The following SMYD1 variants were observed in gnomAD, a reference collection of about 807,000 sequenced individuals.
SMYD1 encodes SET and MYND domain containing 1.
Under a neutral mutation model 54.0 loss-of-function variants are expected in SMYD1, and 49 were observed. The ratio of observed to expected loss-of-function variants is 0.91; its 90% CI spans 0.72 to 1.15. SMYD1 has a LOEUF of 1.15. Ranked by LOEUF, SMYD1 falls within the 50% of genes most tolerant of loss-of-function variation. The pLI, the probability that SMYD1 is intolerant of heterozygous loss-of-function variation, is 0.00. For synonymous variants in SMYD1, 269 were observed against 234.2 expected, an observed-to-expected ratio of 1.15 and a Z score of -1.36; for missense variants, 653 against 639.6, an observed-to-expected ratio of 1.02 and a Z score of -0.23.
chr2:88,096,741 A>T lies in SMYD1; in HGVS notation c.845A>T (p.Lys282Ile), dbSNP rs1435425886. The T allele has an allele frequency of 6.2e-7, 1 of 1,614,016 alleles. No individual in the cohort carries two copies. Among genetic ancestry groups the T allele is most frequent in the East Asian group, 2.2e-5 (1 of 44,894 alleles). Residue 282 changes from lysine to isoleucine, a missense_variant, in exon 6 of 10, where the codon AAA becomes ATA. Physicochemically the swap from Lys to Ile is moderately radical, Grantham distance 102 (BLOSUM62 -3). Transcript: ENST00000419482. The part of the protein sequence containing the change: ...FDCTCEHCQK[K>I]LKDDLFLGVK... ...TGCACATGTGAACACTGCCAGAAAA[A>T]ACTGAAGGATGACCTCTTCCTGGGG...
rs199519465 is a variant in SMYD1, at chr2:88,106,520, C to A, written c.1145+32C>A. 1,008 of 1,597,660 alleles carry A rather than the reference C, an allele frequency of 6.3e-4. 20 individuals are homozygous for A. The South Asian group carries it at 0.011, about 17-fold the overall frequency. On this transcript the variant is annotated intron_variant, in intron 8 of 9. Coordinates refer to ENST00000419482, the MANE Select transcript of SMYD1 (RefSeq NM_198274.4). ...GACGATTCTAGGTCTCAGATAGTCT[C>A]CTGGAAGTGTGTGTATTCCAGGGAT...
At chr2:88,072,840 C>G (rs1673979280) in intron 1 of SMYD1, among the ~76,000 whole-genome samples, 1 of 152,200 alleles carries the variant, frequency 6.6e-6, no homozygotes, top group Non-Finnish European at 1.5e-5. Flanking sequence ...CCTTCTACAC[C>G]ATTTTAATGG....
chr2:88,110,731 C>A lies in SMYD1; in HGVS notation c.*219C>A. 2.0e-6 allele frequency: 1 copy of A among 502,860 alleles called. No individual in the cohort carries two copies. Among genetic ancestry groups the A allele is most frequent in the Non-Finnish European group, 3.4e-6 (1 of 298,208 alleles). The allele number at this position is 502,860 out of a possible 1,614,324, so 31.1% of individuals were successfully genotyped here. ...GCCCAGCCCAGATCAACTCCTCCTA[C>A]AAATATTATTGGATGATAGGCCCTA... On this transcript the variant is annotated 3_prime_UTR_variant, in exon 10 of 10. Coordinates refer to ENST00000419482, the MANE Select transcript of SMYD1 (RefSeq NM_198274.4).
chr2:88,073,983 A>T (rs1006931294), intron 1 of SMYD1, among the ~76,000 whole-genome samples: 1 of 152,204 alleles, frequency 6.6e-6, no homozygotes, highest in Non-Finnish European at 1.5e-5. Flanking sequence ...CACATAACAG[A>T]TGCTCAATAA....
At chr2:88,073,020 A>G (rs748460424) in intron 1 of SMYD1, among the ~76,000 whole-genome samples, 6 of 152,174 alleles carry the variant, frequency 3.9e-5, no homozygotes, top group Non-Finnish European at 8.8e-5. Context: ...GGTAGTGAAC[A>G]TGGTACCCTA....
At chr2:88,102,062 T>C (rs1264087011) in intron 6 of SMYD1, among the ~76,000 whole-genome samples, 6 of 152,228 alleles carry the variant, frequency 3.9e-5, no homozygotes, top group Non-Finnish European at 8.8e-5. Flanking sequence ...TCTAGGGATT[T>C]CTTTTTTTTT....
intron 1 of SMYD1, 53 bp from the exon 2 acceptor site, chr2:88,084,263 G>C: frequency 6.8e-7 from 1 of 1,477,088 alleles, no homozygotes; most frequent in South Asian, 1.4e-5. Flanking sequence ...ACTGGCTGCA[G>C]GGTGCCCTTT....
Position 88,110,537 on chromosome 2 carries a change from A to G in SMYD1, c.*25A>G. ...AGGACTGCCCAGTGGAGGAGGGGCG[A>G]TGTGGCTGGGGAGCTAGGGAGAGAC... On this transcript the variant is annotated 3_prime_UTR_variant, in exon 10 of 10. Transcript: ENST00000419482. 2 of 1,536,090 alleles carry G rather than the reference A, an allele frequency of 1.3e-6. No homozygotes were observed. The highest frequency in any genetic ancestry group is 1.8e-6 in the Non-Finnish European group (2 of 1,135,850).
rs1674366122 is a variant in SMYD1, at chr2:88,087,767, C to T, written c.315-95C>T. The T allele has an allele frequency of 2.0e-5, 22 of 1,125,154 alleles. No individual in the cohort carries two copies. In the South Asian group the frequency reaches 3.5e-4, roughly 18 times the overall value. The allele number at this position is 1,125,154 out of a possible 1,614,324, so 69.7% of individuals were successfully genotyped here. A position where few individuals can be genotyped will look rare whatever the true frequency, so the allele number is the denominator to read the frequency against. On this transcript the variant is annotated intron_variant, in intron 2 of 9. Coordinates refer to ENST00000419482, the MANE Select transcript of SMYD1 (RefSeq NM_198274.4). ...CTAGTTTAAAAACGTATCTTGGGCCCAACATTGTGCCTGGCATGCATGAGA... is the reference window on the plus strand; with the variant it reads ...CTAGTTTAAAAACGTATCTTGGGCCTAACATTGTGCCTGGCATGCATGAGA...
Position 88,091,085 on chromosome 2 carries a change from T to C in SMYD1, c.602T>C (p.Leu201Pro), listed in dbSNP as rs1346619510. 1 of 1,614,070 alleles carries C rather than the reference T, an allele frequency of 6.2e-7. No individual in the cohort carries two copies. The highest frequency in any genetic ancestry group is 8.5e-7 in the Non-Finnish European group (1 of 1,180,024). ...QAVGVGIFPN[L>P]GLVNHDCWPN... is the part of the protein sequence containing the mutation. The stretch of plus-strand genomic sequence containing the variant: ...GTGGGCGTAGGCATCTTCCCCAACC[T>C]GGGCCTGGTGAACCATGACTGTTGG... The change falls in exon 4 of 10, where the codon CTG becomes CCG. Residue 201 changes from leucine (L) to proline (P), a missense_variant. By Grantham distance (98) the Leu-to-Pro change is moderately conservative. Coordinates refer to ENST00000419482, the MANE Select transcript of SMYD1 (RefSeq NM_198274.4).
chr2:88,074,979 T>C (rs1674027254), intron 1 of SMYD1, among the ~76,000 whole-genome samples: 1 of 152,180 alleles, frequency 6.6e-6, no homozygotes, highest in Admixed American at 6.5e-5. Context: ...TAACAGCTGG[T>C]GGTTGGTTAT....
intron 3 of SMYD1, among the ~76,000 whole-genome samples, chr2:88,088,780 G>A (rs1674397761): frequency 6.6e-6 from 1 of 152,182 alleles, no homozygotes; most frequent in Admixed American, 6.5e-5. Context: ...GCCTGGAGCA[G>A]TGGGGGATGT....
chr2:88,096,896 C>A (rs1157438292), intron 6 of SMYD1, 112 bp downstream of exon 6: 4 of 1,081,134 alleles, frequency 3.7e-6, no homozygotes. Context: ...TAGGGAGCAA[C>A]TGTCACCCTG....
intron 1 of SMYD1, 136 bp downstream of exon 1, chr2:88,068,137 G>T: frequency 8.0e-7 from 1 of 1,253,108 alleles, no homozygotes; most frequent in Non-Finnish European, 1.1e-6. Context: ...GCACTTCTGA[G>T]AGCTAATTTT....
intron 1 of SMYD1, among the ~76,000 whole-genome samples, chr2:88,075,541 T>C (rs1477688175): frequency 1.7e-5 from 2 of 117,988 alleles, no homozygotes; most frequent in African/African-American, 2.7e-5. Flanking sequence ...ATTCTTTTTT[T>C]TTTTTTTTTT....
chr2:88,104,984 A>T (rs2919870), intron 7 of SMYD1, among the ~76,000 whole-genome samples: 113,514 of 151,988 alleles, frequency 0.75, 42,842 homozygotes, highest in East Asian at 0.87. Flanking sequence ...ATCCATCTTG[A>T]ACACTTCAGT....
At chr2:88,104,521 T>G (rs967567531) in intron 7 of SMYD1, among the ~76,000 whole-genome samples, 5 of 152,208 alleles carry the variant, frequency 3.3e-5, no homozygotes, top group African/African-American at 1.2e-4. Flanking sequence ...CTCCTGTTCG[T>G]TTCTTCTCCT....
chr2:88,069,984 C>G (rs977467284), intron 1 of SMYD1, among the ~76,000 whole-genome samples: 5 of 151,936 alleles, frequency 3.3e-5, no homozygotes, highest in African/African-American at 1.2e-4. Context: ...TTTGAAGTAA[C>G]AACTATAAAA....
At chr2:88,098,896 T>C (rs1007391072) in intron 6 of SMYD1, among the ~76,000 whole-genome samples, 9 of 152,202 alleles carry the variant, frequency 5.9e-5, no homozygotes, top group Non-Finnish European at 1.3e-4. Context: ...AAACCTTCAA[T>C]TGCCATCAAA....
Sources: gnomAD v4.1 joint callset for allele counts (sites outside exome capture counted in the v4.1 genomes callset) on GRCh38, gnomAD v4.1.1 for gene constraint, MANE v1.5 for transcripts, NCBI Gene and HGNC (gene_info 2026-07-23, HGNC 2026-07-21) for gene names.